PLCL2: variants seen among roughly 807,000 people sequenced by gnomAD.
PLCL2 encodes the protein inactive phospholipase C-like protein 2.
A neutral mutation model predicts 79.6 loss-of-function variants in PLCL2; 4 were observed. The observed-to-expected ratio is 0.05, with a 90% CI of 0.02 to 0.11. The LOEUF (loss-of-function observed/expected upper bound fraction) is 0.11, where lower values mean the gene tolerates loss of function less well. PLCL2 is among the 10% of genes least tolerant of loss of function. The pLI is 1.00. For missense variants in PLCL2, 895 were observed against 1,291.0 expected, an observed-to-expected ratio of 0.69 and a Z score of 4.70; for synonymous variants, 484 against 457.7, an observed-to-expected ratio of 1.06 and a Z score of -0.73.
intron 1 of PLCL2, among the ~76,000 whole-genome samples, chr3:16,920,405 G>A (rs1697098275): frequency 6.6e-6 from 1 of 151,910 alleles, no homozygotes; most frequent in Admixed American, 6.6e-5. Context: ...ATTCTCAAGG[G>A]TATTCCACAT....
At chr3:17,046,892 A>C (rs1288503161) in intron 4 of PLCL2, among the ~76,000 whole-genome samples, 1 of 152,180 alleles carries the variant, frequency 6.6e-6, no homozygotes, top group African/African-American at 2.4e-5. Context: ...ACTGTGTAGA[A>C]GCTGGATTAA....
intron 1 of PLCL2, among the ~76,000 whole-genome samples, chr3:16,893,528 C>A (rs943753904): frequency 6.6e-6 from 1 of 152,094 alleles, no homozygotes; most frequent in African/African-American, 2.4e-5. Context: ...AGTGATTAAT[C>A]ATGGAGATTC....
intron 3 of PLCL2, among the ~76,000 whole-genome samples, chr3:17,029,124 T>C (rs1256675068): frequency 6.6e-6 from 1 of 152,058 alleles, no homozygotes; most frequent in Admixed American, 6.6e-5. Context: ...GCTTTGCTGG[T>C]CCAAGAAGAG....
At chr3:17,088,286 G>C (rs1559294338) in intron 5 of PLCL2, among the ~76,000 whole-genome samples, 1 of 152,164 alleles carries the variant, frequency 6.6e-6, no homozygotes, top group African/African-American at 2.4e-5. Context: ...GCTCCTGCTG[G>C]ACAGGAATGC....
chr3:16,969,525 C>T (rs1330969211), intron 1 of PLCL2, among the ~76,000 whole-genome samples: 3 of 152,034 alleles, frequency 2.0e-5, no homozygotes, highest in Non-Finnish European at 4.4e-5. Flanking sequence ...AGTTTGTGTG[C>T]ATAGAGGTTT....
chr3:16,958,735 A>G (rs754724967), intron 1 of PLCL2, among the ~76,000 whole-genome samples: 6 of 152,172 alleles, frequency 3.9e-5, no homozygotes, highest in Non-Finnish European at 8.8e-5. Flanking sequence ...CACACCTGGA[A>G]GCTCTACATT....
intron 4 of PLCL2, among the ~76,000 whole-genome samples, chr3:17,048,705 T>A (rs1051305807): frequency 1.1e-4 from 16 of 152,216 alleles, no homozygotes; most frequent in African/African-American, 3.9e-4. Flanking sequence ...TGGGAGTATC[T>A]GCTTAAAACG....
At chr3:17,065,399 C>T (rs1162758944) in intron 4 of PLCL2, among the ~76,000 whole-genome samples, 2 of 152,184 alleles carry the variant, frequency 1.3e-5, no homozygotes, top group Non-Finnish European at 1.5e-5. Flanking sequence ...GCCCTAGACT[C>T]ATACTTTCTG....
intron 1 of PLCL2, among the ~76,000 whole-genome samples, chr3:16,951,757 C>T (rs926543088): frequency 6.6e-6 from 1 of 151,958 alleles, no homozygotes; most frequent in Non-Finnish European, 1.5e-5. Flanking sequence ...CACTTTTTTA[C>T]TTTGACCTAA....
chr3:17,064,972 G>A (rs1034530874), intron 4 of PLCL2, among the ~76,000 whole-genome samples: 2 of 150,912 alleles, frequency 1.3e-5, no homozygotes, highest in Admixed American at 1.3e-4. Flanking sequence ...AAACAGATGT[G>A]TTATGCAGCA....
intron 4 of PLCL2, among the ~76,000 whole-genome samples, chr3:17,067,087 G>A (rs116609425): frequency 0.03 from 4,550 of 152,096 alleles, 104 homozygotes; most frequent in Admixed American, 0.054. Context: ...AGAAACACAT[G>A]ACCTAATTGT....
Position 16,886,947 on chromosome 3 carries a change from A to T in PLCL2, c.327+1581A>T, listed in dbSNP as rs544192230. Among the ~76,000 whole-genome samples, 17 of 152,338 alleles carry T rather than the reference A, an allele frequency of 1.1e-4. No homozygotes were observed. Among genetic ancestry groups the T allele is most frequent in the African/African-American group, 3.6e-4 (15 of 41,572 alleles). On this transcript the variant is annotated intron_variant, in intron 1 of 5. Coordinates refer to ENST00000615277, the MANE Select transcript of PLCL2 (RefSeq NM_001144382.2). The surrounding 1 kb of genome is among the most constrained non-coding windows in gnomAD (Gnocchi z 4.2). ...AACCCCTTTCTTTTAATTGTTTTGAATACTTGTTTTTGCATTAAAAAATCA... is the reference window on the plus strand; with the variant it reads ...AACCCCTTTCTTTTAATTGTTTTGATTACTTGTTTTTGCATTAAAAAATCA...
chr3:17,077,297 C>T (rs2065117862), intron 5 of PLCL2, among the ~76,000 whole-genome samples: 3 of 152,198 alleles, frequency 2.0e-5, no homozygotes, highest in African/African-American at 4.8e-5. Context: ...TTTCTTTCTT[C>T]CCACCCTCTG....
At chr3:16,984,632 T>C (rs1454958172) in intron 1 of PLCL2, among the ~76,000 whole-genome samples, 1 of 152,096 alleles carries the variant, frequency 6.6e-6, no homozygotes, top group African/African-American at 2.4e-5. Context: ...TTAAGGGTTG[T>C]TATTTAAGAA....
chr3:17,035,346 T>A (rs1261874863), intron 3 of PLCL2, among the ~76,000 whole-genome samples: 3 of 152,210 alleles, frequency 2.0e-5, no homozygotes, highest in Non-Finnish European at 4.4e-5. Context: ...GTGGGGTGTG[T>A]AACATGTTTA....
At chr3:17,014,582 G>A in intron 2 of PLCL2, 126 bp from the exon 3 acceptor site, 1 of 757,688 alleles carries the variant, frequency 1.3e-6, no homozygotes, top group South Asian at 1.6e-5. Context: ...AGCCAATTCT[G>A]TTATAACACT....
At chr3:17,025,918 C>G (rs577966215) in intron 3 of PLCL2, among the ~76,000 whole-genome samples, 1 of 152,318 alleles carries the variant, frequency 6.6e-6, no homozygotes, top group South Asian at 2.1e-4. Context: ...GTCACCCTCA[C>G]CAAACCTCTC....
At chr3:17,087,492 G>A (rs1197214378) in intron 5 of PLCL2, among the ~76,000 whole-genome samples, 1 of 152,254 alleles carries the variant, frequency 6.6e-6, no homozygotes. Context: ...ATGGTTGCCA[G>A]GGGTTGGGAG....
At chr3:16,972,013 A>G (rs1035004738) in intron 1 of PLCL2, among the ~76,000 whole-genome samples, 5 of 152,078 alleles carry the variant, frequency 3.3e-5, no homozygotes, top group Non-Finnish European at 5.9e-5. Flanking sequence ...TAAATTAGGT[A>G]TTGATGGGAC....
Sources: gnomAD v4.1 joint callset for allele counts (sites outside exome capture counted in the v4.1 genomes callset) on GRCh38, gnomAD v4.1.1 for gene constraint, Gnocchi (gnomAD v3.1) non-coding constraint, MANE v1.5 for transcripts, NCBI Gene and HGNC (gene_info 2026-07-23, HGNC 2026-07-21) for gene names.